Variants in PEAK1 observed in about 807,000 individuals in gnomAD.
PEAK1 encodes inactive tyrosine-protein kinase PEAK1.
Under a neutral mutation model 124.7 loss-of-function variants are expected in PEAK1, and 54 were observed. The ratio of observed to expected loss-of-function variants is 0.43; its 90% CI spans 0.35 to 0.54. The LOEUF is 0.54. Among genes scored for constraint, PEAK1 ranks in the 20% least tolerant of loss-of-function variants. The pLI is 0.01. For synonymous variants in PEAK1, 719 were observed against 760.0 expected (o/e 0.95, Z 0.89); for missense variants, 2,046 against 2,134.5 (o/e 0.96, Z 0.82).
At chr15:77,294,556 T>G (rs1468228458) in intron 2 of PEAK1, among the ~76,000 whole-genome samples, 2 of 152,134 alleles carry the variant, frequency 1.3e-5, no homozygotes, top group East Asian at 3.9e-4. Flanking sequence ...TCAGGGTTGT[T>G]CTGAGAATAA....
intron 8 of PEAK1, among the ~76,000 whole-genome samples, chr15:77,139,945 T>G (rs1161318812): frequency 6.6e-6 from 1 of 152,104 alleles, no homozygotes; most frequent in Non-Finnish European, 1.5e-5. Flanking sequence ...GCTTTTGTTT[T>G]ATTCACTGCT....
chr15:77,305,158 G>C (rs771197165), intron 2 of PEAK1, among the ~76,000 whole-genome samples: 1 of 67,270 alleles, frequency 1.5e-5, no homozygotes, highest in African/African-American at 3.5e-5. Context: ...AAGGAAGGAA[G>C]GAAGGAGGGA....
chr15:77,350,818 A>C (rs1041052077), intron 2 of PEAK1: 55 of 979,542 alleles, frequency 5.6e-5, no homozygotes, highest in Non-Finnish European at 6.3e-5. Context: ...TAAAATTGAT[A>C]ATTTGTAATT....
intron 5 of PEAK1, among the ~76,000 whole-genome samples, chr15:77,262,048 C>A (rs552863397): frequency 2.0e-5 from 3 of 152,214 alleles, no homozygotes; most frequent in African/African-American, 4.8e-5. Context: ...ACTTTACAGA[C>A]AAGCAAATGC....
At chr15:77,368,040 C>A (rs1054397343) in intron 1 of PEAK1, among the ~76,000 whole-genome samples, 2 of 152,126 alleles carry the variant, frequency 1.3e-5, no homozygotes, top group African/African-American at 4.8e-5. Flanking sequence ...TGTTTGGATT[C>A]ATGATTATCT....
At chr15:77,418,635 T>C in intron 1 of PEAK1, 1 of 985,300 alleles carries the variant, frequency 1.0e-6, no homozygotes, top group Non-Finnish European at 1.2e-6. Flanking sequence ...CAGAAAGTAA[T>C]TAGGGTCGTC....
chr15:77,351,972 G>C (rs1321795878), intron 2 of PEAK1: 6 of 983,332 alleles, frequency 6.1e-6, no homozygotes, highest in Non-Finnish European at 7.2e-6. Flanking sequence ...TATAATACCA[G>C]CAATTTGGGA....
intron 5 of PEAK1, among the ~76,000 whole-genome samples, chr15:77,259,064 A>G (rs1297301510): frequency 1.3e-5 from 2 of 152,032 alleles, no homozygotes; most frequent in African/African-American, 4.8e-5. Flanking sequence ...TCTATGGCTG[A>G]TTTTTTACCG....
chr15:77,290,560 CT>C (rs879445541), intron 2 of PEAK1, among the ~76,000 whole-genome samples: 171 of 145,070 alleles, frequency 1.2e-3, no homozygotes, highest in Admixed American at 1.5e-3. Flanking sequence ...GCTTCTTCTT[CT>C]TTTTTTTTTT....
At chr15:77,336,386 G>A (rs1178314342) in intron 2 of PEAK1, 1 of 985,246 alleles carries the variant, frequency 1.0e-6, no homozygotes, top group East Asian at 1.1e-4. Flanking sequence ...AGGAACCAAG[G>A]CAGCTTTTCC....
intron 2 of PEAK1, among the ~76,000 whole-genome samples, chr15:77,340,997 C>T (rs928829145): frequency 6.6e-6 from 1 of 151,078 alleles, no homozygotes; most frequent in Admixed American, 6.6e-5. Flanking sequence ...TGTCACCAGG[C>T]TGGACTGTGG....
At chr15:77,296,593 G>A (rs184013715) in intron 2 of PEAK1, among the ~76,000 whole-genome samples, 4 of 151,466 alleles carry the variant, frequency 2.6e-5, no homozygotes, top group Admixed American at 6.6e-5. Context: ...CAGCCTGGGC[G>A]ACAGAGTGAG....
chr15:77,364,106 G>A (rs984869311), intron 2 of PEAK1, among the ~76,000 whole-genome samples: 2 of 152,144 alleles, frequency 1.3e-5, no homozygotes, highest in African/African-American at 4.8e-5. Flanking sequence ...GGCTGAGGTA[G>A]GAGAACTGCT....
chr15:77,411,062 T>A (rs2072369013), intron 1 of PEAK1, among the ~76,000 whole-genome samples: 1 of 152,170 alleles, frequency 6.6e-6, no homozygotes, highest in African/African-American at 2.4e-5. Flanking sequence ...TAATTATTTT[T>A]AAAATTCTAA....
chr15:77,231,103 C>T (rs2059894231), intron 6 of PEAK1, among the ~76,000 whole-genome samples: 3 of 151,978 alleles, frequency 2.0e-5, no homozygotes, highest in African/African-American at 4.8e-5. Flanking sequence ...ATACAATAAT[C>T]CAAAGGCATC....
chr15:77,380,086 G>GT (rs995915882), intron 1 of PEAK1, among the ~76,000 whole-genome samples: 21 of 151,972 alleles, frequency 1.4e-4, no homozygotes, highest in African/African-American at 2.2e-4. Context: ...GTTTTATCTT[G>GT]TTTTTTTAGC....
At chr15:77,273,786 T>C (rs748492578) in intron 5 of PEAK1, among the ~76,000 whole-genome samples, 13 of 151,916 alleles carry the variant, frequency 8.6e-5, no homozygotes, top group Admixed American at 2.0e-4. Flanking sequence ...AATCCTAAAA[T>C]TCACATGGAA....
chr15:77,205,640 T>C (rs1192000409), intron 6 of PEAK1, among the ~76,000 whole-genome samples: 1 of 152,114 alleles, frequency 6.6e-6, no homozygotes, highest in African/African-American at 2.4e-5. Flanking sequence ...ACTGTTAATG[T>C]GCTGTGAAAG....
intron 8 of PEAK1, among the ~76,000 whole-genome samples, chr15:77,137,436 G>A (rs938091832): frequency 2.6e-5 from 4 of 152,224 alleles, no homozygotes; most frequent in South Asian, 2.1e-4. Context: ...CAAAGCCACA[G>A]GGATGGAGCT....
Sources: allele counts gnomAD v4.1 joint callset (sites outside exome capture counted in the v4.1 genomes callset), GRCh38; gene constraint gnomAD v4.1.1; transcripts MANE v1.5; gene names NCBI Gene and HGNC (gene_info 2026-07-23, HGNC 2026-07-21).